Variants in MRTFB observed in about 807,000 individuals in gnomAD.
MRTFB encodes myocardin-related transcription factor B.
A neutral mutation model predicts 104.2 loss-of-function variants in MRTFB; 29 were observed. The observed-to-expected ratio is 0.28, with a 90% confidence interval of 0.21 to 0.38. MRTFB has a LOEUF of 0.38. Ranked by LOEUF, MRTFB falls within the 10% of genes least tolerant of loss-of-function variation. MRTFB has a pLI of 1.00. For missense variants in MRTFB, 1,270 were observed against 1,341.6 expected, an observed-to-expected ratio of 0.95 and a Z score of 0.83; for synonymous variants, 535 against 519.5, an observed-to-expected ratio of 1.03 and a Z score of -0.41.
At position 14,176,130 on chromosome 16, in the gene MRTFB, A is replaced by G. The variant is rs540929138; in HGVS notation, c.155-34113A>G. 3.3e-5 allele frequency among the ~76,000 whole-genome samples: 5 copies of G among 152,362 alleles called. No homozygotes were observed. The South Asian group carries it at 6.2e-4, about 19-fold the overall frequency. ...AAATTGATTTTGAGGTGTCTTTTAG[A>G]TACAACCAAAAATATATAACAAGTA... is the stretch of plus-strand genomic sequence containing the variant. On this transcript the variant is annotated intron_variant, in intron 3 of 16. Transcript: ENST00000571589.
chr16:14,247,194 C>A lies in MRTFB; in HGVS notation c.1934C>A (p.Pro645His). ...GSSIKDEASLPDCSSSRQPIP... is the reference protein window; with the variant it reads ...GSSIKDEASLHDCSSSRQPIP... ...TCCATCAAAGATGAGGCCTCACTCC[C>A]TGACTGCTCCAGCTCCAGGCAGCCC... is the stretch of plus-strand genomic sequence containing the variant. Residue 645 changes from proline to histidine, a missense_variant, in exon 12 of 17, where the codon CCT becomes CAT. Around this residue, in one of 3 missense-constraint regions of MRTFB, gnomAD observed 1,144 missense variants for 1,131.5 expected, o/e 1.01. Transcript: ENST00000571589. 6.2e-7 allele frequency: 1 copy of A among 1,614,178 alleles called. No homozygotes were observed.
chr16:14,208,853 G>A (rs1045331409), intron 3 of MRTFB, among the ~76,000 whole-genome samples: 1 of 152,138 alleles, frequency 6.6e-6, no homozygotes, highest in African/African-American at 2.4e-5. Context: ...TGTCAGGAAT[G>A]TGCATATCTT....
chr16:14,124,059 GCTCT>G (rs2036985145), intron 2 of MRTFB, among the ~76,000 whole-genome samples: 1 of 152,054 alleles, frequency 6.6e-6, no homozygotes, highest in African/African-American at 2.4e-5. Flanking sequence ...TCATGATTTG[GCTCT>G]CTGTCTGTTA....
At chr16:14,242,639 C>T (rs1212255298) in intron 10 of MRTFB, among the ~76,000 whole-genome samples, 1 of 152,136 alleles carries the variant, frequency 6.6e-6, no homozygotes, top group African/African-American at 2.4e-5. Context: ...TAGTCCAGCC[C>T]AGCTTGTCTG....
At chr16:14,027,739 A>G in the MRTFB span, among the ~76,000 whole-genome samples, 1 of 152,228 alleles carries the variant, frequency 6.6e-6, no homozygotes, top group African/African-American at 2.4e-5. Flanking sequence ...TTAACTTTAA[A>G]GGGGATTCCT....
chr16:14,161,214 G>T (rs896689926), intron 3 of MRTFB, among the ~76,000 whole-genome samples: 3 of 150,848 alleles, frequency 2.0e-5, no homozygotes, highest in Non-Finnish European at 4.4e-5. Flanking sequence ...CATGAAGTAG[G>T]TGAACAAAGC....
rs1230395663 is a variant in MRTFB at position 14,261,277 on chromosome 16, C to G, written c.3133C>G (p.Pro1045Ala). Residue 1045 changes from proline (P) to alanine (A), a missense_variant, in exon 17 of 17, where the codon CCC (proline) becomes GCC (alanine). This residue lies in a region of MRTFB where 1,144 missense variants were observed against 1,131.5 expected (regional missense o/e 1.01). Coordinates refer to ENST00000571589, the MANE Select transcript of MRTFB (RefSeq NM_001308142.2). ...TSETQFAAGT[P>A]CLSLDLSDSN... ...CGAGACCCAGTTTGCTGCAGGTACT[C>G]CCTGTCTGTCTCTCGACCTGTCAGA... 4 of 1,614,190 alleles carry G rather than the reference C, an allele frequency of 2.5e-6. No individual in the cohort carries two copies. In the South Asian group the frequency reaches 3.3e-5, roughly 13 times the overall value.
At chr16:14,141,671 T>C (rs1194041771) in intron 3 of MRTFB, 1 of 152,158 alleles carries the variant, frequency 6.6e-6, no homozygotes, top group Admixed American at 6.5e-5. Context: ...CTCCTACTTA[T>C]TAGACTTACC....
intron 3 of MRTFB, among the ~76,000 whole-genome samples, chr16:14,163,595 G>A (rs1269798607): frequency 1.3e-5 from 2 of 152,110 alleles, no homozygotes; most frequent in South Asian, 2.1e-4. Context: ...ACCTTGGGAG[G>A]CCGAGGCAGG....
chr16:14,231,556 G>A (rs2042268618), intron 8 of MRTFB, among the ~76,000 whole-genome samples: 1 of 152,082 alleles, frequency 6.6e-6, no homozygotes, highest in African/African-American at 2.4e-5. Flanking sequence ...CCCTCAAGTA[G>A]GCCCCAGTGT....
chr16:14,159,993 C>T (rs2038974208), intron 3 of MRTFB, among the ~76,000 whole-genome samples: 1 of 149,064 alleles, frequency 6.7e-6, no homozygotes. Flanking sequence ...CCAAATATGT[C>T]AGTATGCATC....
chr16:14,233,770 A>G (rs953135606), intron 8 of MRTFB, among the ~76,000 whole-genome samples: 7 of 137,368 alleles, frequency 5.1e-5, no homozygotes, highest in African/African-American at 1.7e-4. Context: ...AGCCTGAGTG[A>G]GACTCCCTCT....
the MRTFB span, among the ~76,000 whole-genome samples, chr16:14,022,303 A>C: frequency 6.6e-6 from 1 of 152,328 alleles, no homozygotes; most frequent in South Asian, 2.1e-4. Context: ...CCTGAGTTCT[A>C]ATTCCTATCT....
chr16:14,210,440 AGG>A, intron 4 of MRTFB, 132 bp downstream of exon 4: 2 of 629,874 alleles, frequency 3.2e-6, no homozygotes, highest in Admixed American at 3.3e-5. Context: ...TGAATTTCCA[AGG>A]AAAAATCAGG....
chr16:14,024,309 T>C, the MRTFB span, among the ~76,000 whole-genome samples: 1 of 152,220 alleles, frequency 6.6e-6, no homozygotes, highest in Non-Finnish European at 1.5e-5. Flanking sequence ...GCATGCATTT[T>C]ATAAGCACAT....
chr16:14,100,919 G>C (rs980406366), intron 2 of MRTFB, among the ~76,000 whole-genome samples: 13 of 152,160 alleles, frequency 8.5e-5, no homozygotes, highest in Admixed American at 2.0e-4. Flanking sequence ...TCTCACTCCT[G>C]ATATTGGTAA....
At chr16:14,074,188 C>CT (rs1415502073) in intron 1 of MRTFB, among the ~76,000 whole-genome samples, 3 of 152,012 alleles carry the variant, frequency 2.0e-5, no homozygotes, top group Admixed American at 6.6e-5. Flanking sequence ...AAACAGAAGG[C>CT]TATACTTTAA....
At chr16:14,090,856 G>A (rs1437407416) in intron 2 of MRTFB, among the ~76,000 whole-genome samples, 1 of 150,056 alleles carries the variant, frequency 6.7e-6, no homozygotes, top group Admixed American at 6.7e-5. Context: ...AATTTTTTCA[G>A]GTTTTCAAAA....
At chr16:14,222,401 A>G (rs572124805) in intron 8 of MRTFB, among the ~76,000 whole-genome samples, 1 of 152,246 alleles carries the variant, frequency 6.6e-6, no homozygotes, top group South Asian at 2.1e-4. Context: ...CTTTCTTAAA[A>G]CATTATGAGT....
Sources: gnomAD v4.1 joint callset for allele counts (sites outside exome capture counted in the v4.1 genomes callset) on GRCh38, gnomAD v4.1.1 for gene constraint, gnomAD v4.1.1 regional missense constraint, MANE v1.5 for transcripts, NCBI Gene and HGNC (gene_info 2026-07-23, HGNC 2026-07-21) for gene names.